Variants in LAMC1 observed in about 807,000 individuals in gnomAD.
The protein encoded by LAMC1 is laminin subunit gamma 1.
A neutral mutation model predicts 173.6 loss-of-function variants in LAMC1; 38 were observed. That is an observed-to-expected ratio of 0.22 (90% confidence interval 0.17 to 0.29). The LOEUF is 0.29. Among genes scored for constraint, LAMC1 ranks in the 10% least tolerant of loss-of-function variants. The pLI, the probability that LAMC1 is intolerant of heterozygous loss-of-function variation, is 1.00. For missense variants in LAMC1, 1,824 were observed against 2,051.8 expected (o/e 0.89, Z 2.14); for synonymous variants, 746 against 749.1 (o/e 1.00, Z 0.07).
intron 1 of LAMC1, among the ~76,000 whole-genome samples, chr1:183,036,022 G>C (rs899457579): frequency 7.2e-5 from 11 of 151,940 alleles, no homozygotes; most frequent in Non-Finnish European, 1.5e-4. Flanking sequence ...CCAATGCTGG[G>C]GAGTGCTGAC....
chr1:183,106,578 C>T (rs765498231), intron 2 of LAMC1, among the ~76,000 whole-genome samples: 7 of 152,178 alleles, frequency 4.6e-5, no homozygotes, highest in Non-Finnish European at 2.9e-5. Flanking sequence ...CACCTCTGCA[C>T]TTGCTTGTTA....
intron 1 of LAMC1, among the ~76,000 whole-genome samples, chr1:183,034,752 G>A (rs959821477): frequency 1.3e-5 from 2 of 152,282 alleles, no homozygotes; most frequent in Middle Eastern, 3.4e-3. Context: ...TAATGGTGAA[G>A]GTATTATTTG....
At chr1:183,117,194 C>T in intron 8 of LAMC1, 126 bp from the exon 9 acceptor site, 1 of 1,016,952 alleles carries the variant, frequency 9.8e-7, no homozygotes, top group South Asian at 1.7e-5. Flanking sequence ...TCCATTTATT[C>T]AAAAAGGTTT....
chr1:183,091,333 C>G (rs1655561892), intron 1 of LAMC1, among the ~76,000 whole-genome samples: 1 of 152,088 alleles, frequency 6.6e-6, no homozygotes, highest in Non-Finnish European at 1.5e-5. Flanking sequence ...CCACAATTGC[C>G]CAACCCTGCC....
chr1:183,092,820 C>T (rs1655598859), intron 1 of LAMC1, among the ~76,000 whole-genome samples: 1 of 152,162 alleles, frequency 6.6e-6, no homozygotes, highest in Non-Finnish European at 1.5e-5. Flanking sequence ...CCACTCCAAT[C>T]CACTCCAAAC....
rs762056116 is a variant in LAMC1 at position 183,122,108 on chromosome 1, A to G, written c.2258A>G (p.Lys753Arg). The change falls in exon 13 of 28, where the codon AAG (lysine) becomes AGG (arginine). Residue 753 changes from lysine (K) to arginine (R), a missense_variant. Lys to Arg is a conservative substitution (Grantham distance 26, BLOSUM62 2). Transcript: ENST00000258341. ...AATACGGCTGGCCCGCACTGTGAGA[A>G]GTGCAGTGATGGGTACTATGGAGAT... ...RDNTAGPHCE[K>R]CSDGYYGDST... 3.7e-6 allele frequency: 6 copies of G among 1,614,184 alleles called. No individual in the cohort carries two copies. In the South Asian group the frequency reaches 5.5e-5, roughly 15 times the overall value.
chr1:183,050,168 T>C (rs1013765643), intron 1 of LAMC1, among the ~76,000 whole-genome samples: 7 of 152,320 alleles, frequency 4.6e-5, no homozygotes, highest in African/African-American at 1.7e-4. Context: ...GATAGTGTTG[T>C]CTCTATTTAA....
At chr1:183,134,632 G>A in intron 22 of LAMC1, 28 bp from the exon 23 acceptor site, 1 of 1,588,514 alleles carries the variant, frequency 6.3e-7, no homozygotes, top group Non-Finnish European at 8.6e-7. Flanking sequence ...TTTATCCAAA[G>A]TGTAGTGATC....
Position 183,128,609 on chromosome 1 carries a change from G to A in LAMC1, c.3139G>A (p.Val1047Met), listed in dbSNP as rs760923719. The A allele has an allele frequency of 1.5e-5, 24 of 1,609,586 alleles. No individual in the cohort carries two copies. Among genetic ancestry groups the A allele is most frequent in the Non-Finnish European group, 1.8e-5 (21 of 1,177,238 alleles). The change falls in exon 18 of 28, where the codon GTG becomes ATG. Residue 1047 changes from valine (V) to methionine (M), a missense_variant. By Grantham distance (21) the Val-to-Met change is conservative. Transcript: ENST00000258341. ...TTATGTTTAGGTTGCTGATCATAGA[G>A]TGAAGCTCCAGGAATTAGAGAGTCT... ...LVKDKVADHR[V>M]KLQELESLIA...
Position 183,023,822 on chromosome 1 carries a change from G to C in LAMC1, c.106G>C (p.Ala36Pro). ...CGCCGCGGCGGGCTGTGCCCAGGCA[G>C]CCATGGACGAGTGCACGGACGAGGG... ...AAAAAGCAQA[A>P]MDECTDEGGR... The change falls in exon 1 of 28, where the codon GCC becomes CCC. Residue 36 changes from alanine to proline, a missense_variant. Physicochemically the swap from Ala to Pro is conservative, Grantham distance 27 (BLOSUM62 -1). Coordinates refer to ENST00000258341, the MANE Select transcript of LAMC1 (RefSeq NM_002293.4). 2 of 1,583,470 alleles carry C rather than the reference G, an allele frequency of 1.3e-6. No individual in the cohort carries two copies. Among genetic ancestry groups the C allele is most frequent in the Non-Finnish European group, 1.7e-6 (2 of 1,164,032 alleles).
chr1:183,085,866 C>T (rs1400000548), intron 1 of LAMC1, among the ~76,000 whole-genome samples: 1 of 152,144 alleles, frequency 6.6e-6, no homozygotes, highest in Admixed American at 6.5e-5. Context: ...CTCTTGTTTT[C>T]TACCACTTAG....
chr1:183,040,808 G>C, intron 1 of LAMC1, among the ~76,000 whole-genome samples: 1 of 138,512 alleles, frequency 7.2e-6, no homozygotes, highest in East Asian at 1.9e-4. Context: ...ATGAGATAAA[G>C]AAGAATGTAG....
rs902490756 is a variant in LAMC1, at chr1:183,057,883, A to G, written c.418+33749A>G. The stretch of plus-strand genomic sequence containing the variant: ...TGTTCTTTTTTTCCTTCTTACATAA[A>G]TATTATGTGCTCTAACTAAACATAT... On this transcript the variant is annotated intron_variant, in intron 1 of 27. Transcript: ENST00000258341. 5.9e-5 allele frequency among the ~76,000 whole-genome samples: 9 copies of G among 152,162 alleles called. No individual in the cohort carries two copies. The East Asian group carries it at 9.6e-4, about 16-fold the overall frequency.
intron 1 of LAMC1, among the ~76,000 whole-genome samples, chr1:183,057,021 G>C (rs1226998459): frequency 3.3e-5 from 5 of 152,170 alleles, no homozygotes; most frequent in African/African-American, 1.2e-4. Flanking sequence ...AAAGCTTTGA[G>C]GACTGTGAGC....
intron 1 of LAMC1, among the ~76,000 whole-genome samples, chr1:183,028,918 A>G (rs1350479484): frequency 6.6e-6 from 1 of 152,190 alleles, no homozygotes; most frequent in Non-Finnish European, 1.5e-5. Flanking sequence ...GGTTATGGTC[A>G]ATTTGGGATG....
At chr1:183,042,015 C>G (rs1392700243) in intron 1 of LAMC1, among the ~76,000 whole-genome samples, 1 of 152,108 alleles carries the variant, frequency 6.6e-6, no homozygotes, top group African/African-American at 2.4e-5. Context: ...GTATAGTTTC[C>G]TCACCAGCAT....
chr1:183,062,088 G>A (rs535295392), intron 1 of LAMC1, among the ~76,000 whole-genome samples: 1 of 152,328 alleles, frequency 6.6e-6, no homozygotes, highest in South Asian at 2.1e-4. Flanking sequence ...GGTAAGAATA[G>A]TGTTCAGTTA....
intron 1 of LAMC1, among the ~76,000 whole-genome samples, chr1:183,064,013 C>T (rs1654802990): frequency 6.6e-6 from 1 of 151,924 alleles, no homozygotes; most frequent in Non-Finnish European, 1.5e-5. Flanking sequence ...TAAAAAAGAC[C>T]TGAAATTTGA....
At chr1:183,119,651 C>T (rs979816501) in intron 11 of LAMC1, among the ~76,000 whole-genome samples, 1 of 152,052 alleles carries the variant, frequency 6.6e-6, no homozygotes, top group East Asian at 1.9e-4. Context: ...GAGAGGATCA[C>T]GTGCACTCAG....
Sources: allele counts gnomAD v4.1 joint callset (sites outside exome capture counted in the v4.1 genomes callset), GRCh38; gene constraint gnomAD v4.1.1; transcripts MANE v1.5; gene names NCBI Gene and HGNC (gene_info 2026-07-23, HGNC 2026-07-21).